The following MEDAG variants were observed in gnomAD, a reference collection of about 807,000 sequenced individuals.
MEDAG encodes mesenteric estrogen dependent adipogenesis, also known as mesenteric estrogen-dependent adipogenesis protein.
A neutral mutation model predicts 29.9 loss-of-function variants in MEDAG; 25 were observed. The ratio of observed to expected loss-of-function variants is 0.84; its 90% confidence interval spans 0.61 to 1.17. The LOEUF (loss-of-function observed/expected upper bound fraction) is 1.17, where lower values mean the gene tolerates loss of function less well. Ranked by LOEUF, MEDAG falls within the 50% of genes most tolerant of loss-of-function variation. The pLI is 0.00. For missense variants in MEDAG, 398 were observed against 372.9 expected, an observed-to-expected ratio of 1.07 and a Z score of -0.56; for synonymous variants, 158 against 148.2, an observed-to-expected ratio of 1.07 and a Z score of -0.48.
At chr13:30,909,730 C>A (rs140045920) in intron 1 of MEDAG, among the ~76,000 whole-genome samples, 91 of 152,280 alleles carry the variant, frequency 6.0e-4, no homozygotes, top group African/African-American at 2.1e-3. Context: ...ATTAGAATTT[C>A]TTTCTGGGAC....
chr13:30,913,273 T>C (rs546420504), intron 1 of MEDAG, among the ~76,000 whole-genome samples: 1 of 152,208 alleles, frequency 6.6e-6, no homozygotes, highest in African/African-American at 2.4e-5. Flanking sequence ...TGGAGTGCAG[T>C]GGTGCAGTCA....
chr13:30,913,489 T>G (rs1223209219), intron 1 of MEDAG, among the ~76,000 whole-genome samples: 1 of 152,112 alleles, frequency 6.6e-6, no homozygotes, highest in Non-Finnish European at 1.5e-5. Flanking sequence ...TGTCTTGACC[T>G]CCCAAAGTGC....
intron 1 of MEDAG, among the ~76,000 whole-genome samples, chr13:30,911,785 C>T (rs530205839): frequency 6.6e-6 from 1 of 152,272 alleles, no homozygotes; most frequent in African/African-American, 2.4e-5. Context: ...TAGACCAGTG[C>T]TTCTCAAACT....
At position 30,906,717 on chromosome 13, in the gene MEDAG, G is replaced by T. The variant is rs764571813; in HGVS notation, c.202G>T (p.Gly68Trp). ...GCCCGGGGAGCCGGCGGCGGCGCGGGGGGGCTTCAACGTCTTCGGTGACGG... is the reference window on the plus strand; with the variant it reads ...GCCCGGGGAGCCGGCGGCGGCGCGGTGGGGCTTCAACGTCTTCGGTGACGG... ...ARPGEPAAAR[G>W]GFNVFGDGLV... Residue 68 changes from glycine (G) to tryptophan (W), a missense_variant, in exon 1 of 5, where the codon GGG (glycine) becomes TGG (tryptophan). Transcript: ENST00000380482. 91 of 1,518,116 alleles carry T rather than the reference G, an allele frequency of 6.0e-5. No homozygotes were observed. Among genetic ancestry groups the T allele is most frequent in the Non-Finnish European group, 7.2e-5 (82 of 1,142,156 alleles). The allele number at this position is 1,518,116 out of a possible 1,614,324, so 94.0% of individuals were successfully genotyped here. A position where few individuals can be genotyped will look rare whatever the true frequency, so the allele number is the denominator to read the frequency against.
chr13:30,917,520 T>G lies in MEDAG; in HGVS notation c.388+8T>G. On this transcript the variant is annotated splice_region_variant and intron_variant, in intron 2 of 4. Coordinates refer to ENST00000380482, the MANE Select transcript of MEDAG (RefSeq NM_032849.4). ...AAAAAGACACCTCAAAAGGTAAGTA[T>G]CTATATTAGTCCATTTTCACACTGC... is the stretch of plus-strand genomic sequence containing the variant. 7.1e-7 allele frequency: 1 copy of G among 1,403,380 alleles called. No individual in the cohort carries two copies. The highest frequency in any genetic ancestry group is 1.7e-5 in the Admixed American group (1 of 57,178). The allele number at this position is 1,403,380 out of a possible 1,614,324, so 86.9% of individuals were successfully genotyped here.
chr13:30,908,591 C>T (rs1227583983), intron 1 of MEDAG, among the ~76,000 whole-genome samples: 4 of 152,056 alleles, frequency 2.6e-5, no homozygotes, highest in South Asian at 2.1e-4. Context: ...GGAGGTATGC[C>T]GAAGCCAGAA....
intron 1 of MEDAG, chr13:30,908,679 T>A (rs1216573130): frequency 1.2e-4 from 18 of 149,712 alleles, no homozygotes; most frequent in Non-Finnish European, 4.5e-5. Flanking sequence ...GCATAAAACC[T>A]CCCTCCCTCC....
At chr13:30,911,993 T>C (rs1593504891) in intron 1 of MEDAG, among the ~76,000 whole-genome samples, 1 of 152,202 alleles carries the variant, frequency 6.6e-6, no homozygotes, top group Non-Finnish European at 1.5e-5. Flanking sequence ...CCTAGGAGAC[T>C]ATATGCTTCT....
chr13:30,910,193 A>AACACACACACACACACAC (rs77242350), intron 1 of MEDAG, among the ~76,000 whole-genome samples: 284 of 149,262 alleles, frequency 1.9e-3, no homozygotes, highest in East Asian at 9.2e-3. Context: ...CACACACACA[A>AACACACACACACACACAC]ACACACACAC....
intron 2 of MEDAG, among the ~76,000 whole-genome samples, chr13:30,919,749 A>G (rs1952964802): frequency 6.6e-6 from 1 of 152,218 alleles, no homozygotes; most frequent in Non-Finnish European, 1.5e-5. Flanking sequence ...ACTGAGTTCT[A>G]AAAATCACAC....
intron 1 of MEDAG, among the ~76,000 whole-genome samples, chr13:30,910,323 C>T (rs927027664): frequency 4.6e-5 from 7 of 152,128 alleles, no homozygotes; most frequent in South Asian, 2.1e-4. Context: ...ATGAAAGAGG[C>T]TGCCTGGAGA....
intron 4 of MEDAG, among the ~76,000 whole-genome samples, chr13:30,923,712 C>T (rs917188588): frequency 3.9e-5 from 6 of 152,200 alleles, no homozygotes; most frequent in South Asian, 2.1e-4. Flanking sequence ...CAGGATTTTC[C>T]GGTTTCACCA....
At chr13:30,913,628 T>C (rs150355246) in intron 1 of MEDAG, among the ~76,000 whole-genome samples, 75 of 152,250 alleles carry the variant, frequency 4.9e-4, no homozygotes, top group African/African-American at 1.5e-3. Context: ...AGAAATGAGA[T>C]TTTAAAGAAA....
intron 3 of MEDAG, 135 bp from the exon 4 acceptor site, chr13:30,921,426 A>G (rs1234159842): frequency 3.3e-5 from 29 of 888,150 alleles, no homozygotes; most frequent in Non-Finnish European, 4.2e-5. Flanking sequence ...TAAAGACAAC[A>G]GTTTAAAAAT....
chr13:30,910,532 C>G (rs1170987781), intron 1 of MEDAG, among the ~76,000 whole-genome samples: 1 of 152,200 alleles, frequency 6.6e-6, no homozygotes, highest in Non-Finnish European at 1.5e-5. Flanking sequence ...CCAGGAGAAC[C>G]TATGCTTTCA....
At chr13:30,913,807 G>A (rs976109584) in intron 1 of MEDAG, among the ~76,000 whole-genome samples, 1 of 152,166 alleles carries the variant, frequency 6.6e-6, no homozygotes, top group African/African-American at 2.4e-5. Context: ...TTGGGAGGCT[G>A]AGGCAGGCAG....
At chr13:30,910,944 T>C (rs1156272131) in intron 1 of MEDAG, among the ~76,000 whole-genome samples, 1 of 152,224 alleles carries the variant, frequency 6.6e-6, no homozygotes, top group African/African-American at 2.4e-5. Context: ...TGGTCTTAGA[T>C]GTAGCAACCT....
Position 30,925,298 on chromosome 13 carries a change from T to A in MEDAG, c.*863T>A, listed in dbSNP as rs779867037. 1 of 152,142 alleles carries A rather than the reference T, an allele frequency of 6.6e-6. No individual in the cohort carries two copies. The highest frequency in any genetic ancestry group is 2.4e-5 in the African/African-American group (1 of 41,430). The allele number at this position is 152,142 out of a possible 1,614,324, so 9.4% of individuals were successfully genotyped here. On this transcript the variant is annotated 3_prime_UTR_variant, in exon 5 of 5. Transcript: ENST00000380482. ...TTACCATAATACATTTTTCATCTCA[T>A]GGCTACAATGGAATTCTTGAAAAGG...
chr13:30,919,715 G>T (rs1367891038), intron 2 of MEDAG, among the ~76,000 whole-genome samples: 1 of 152,178 alleles, frequency 6.6e-6, no homozygotes, highest in Non-Finnish European at 1.5e-5. Context: ...TTGTCTCTGA[G>T]ATATCTCAAA....
Sources: allele counts gnomAD v4.1 joint callset (sites outside exome capture counted in the v4.1 genomes callset), GRCh38; gene constraint gnomAD v4.1.1; transcripts MANE v1.5; gene names NCBI Gene and HGNC (gene_info 2026-07-23, HGNC 2026-07-21).